The following IFI6 variants were observed in gnomAD, a reference collection of about 807,000 sequenced individuals.
IFI6 encodes interferon alpha-inducible protein 6.
Under a neutral mutation model 12.7 loss-of-function variants are expected in IFI6, and 10 were observed. That is an observed-to-expected ratio of 0.79 (90% confidence interval 0.49 to 1.33). The LOEUF is 1.33. IFI6 is among the 40% of genes most tolerant of loss of function. The pLI is 0.00. For missense variants in IFI6, 154 were observed against 180.4 expected (o/e 0.85, Z 0.84); for synonymous variants, 89 against 86.2 (o/e 1.03, Z -0.18).
Position 27,669,350 on chromosome 1 carries a change from C to A in IFI6, c.-32-4G>T. 2.0e-6 allele frequency: 3 copies of A among 1,536,002 alleles called. No homozygotes were observed. The highest frequency in any genetic ancestry group is 1.2e-5 in the South Asian group (1 of 83,598). ...CGCGCGGGCTCCGTCACTAGACCTG[C>A]GAACGGGCGAGAGGGAGATGGTCCC... On this transcript the variant is annotated splice_region_variant and splice_polypyrimidine_tract_variant and intron_variant, in intron 1 of 4. Coordinates refer to ENST00000361157, the MANE Select transcript of IFI6 (RefSeq NM_002038.4).
In IFI6 at chr1:27,671,447, C is replaced by T. The variant is rs1219461718; in HGVS notation, c.-33+676G>A. 4.1e-5 allele frequency among the ~76,000 whole-genome samples: 6 copies of T among 145,782 alleles called. No individual in the cohort carries two copies. In the East Asian group the frequency reaches 1.2e-3, roughly 30 times the overall value. Reference sequence around the variant, plus strand: ...CCAGGCTGGAGTGCAGTGGCGCAATCTCATCTCACTGCAAGCTCCACCTCC... The same window carrying T: ...CCAGGCTGGAGTGCAGTGGCGCAATTTCATCTCACTGCAAGCTCCACCTCC... On this transcript the variant is annotated intron_variant, in intron 1 of 4. Transcript: ENST00000361157.
chr1:27,666,095 C>A lies in IFI6; in HGVS notation c.*286G>T. ...CTGGGTGAAGTTTATTCTGTTTTCA[C>A]ATCTAGGTTGTTGGGGAGAGTGATA... On this transcript the variant is annotated 3_prime_UTR_variant, in exon 5 of 5. Transcript: ENST00000361157. 1 of 300,738 alleles carries A rather than the reference C, an allele frequency of 3.3e-6. No homozygotes were observed. Among genetic ancestry groups the A allele is most frequent in the Non-Finnish European group, 6.2e-6 (1 of 160,904 alleles). 18.6% of individuals were successfully genotyped at this position (300,738 alleles called of 1,614,324 possible). A position where few individuals can be genotyped will look rare whatever the true frequency, so the allele number is the denominator to read the frequency against.
At chr1:27,668,612 AG>A in intron 2 of IFI6, 77 bp from the exon 3 acceptor site, 1 of 1,190,352 alleles carries the variant, frequency 8.4e-7, no homozygotes. Context: ...TCTGATGCTC[AG>A]GACCACTCCT....
At chr1:27,669,094 C>A (rs1375062661) in intron 2 of IFI6, 151 bp downstream of exon 2, 2 of 792,120 alleles carry the variant, frequency 2.5e-6, no homozygotes, top group African/African-American at 5.1e-5. Flanking sequence ...CTTACCTGCA[C>A]CCTTACCTGC....
chr1:27,668,135 T>G (rs1267440886), intron 4 of IFI6, 91 bp downstream of exon 4: 3 of 1,134,778 alleles, frequency 2.6e-6, no homozygotes, highest in African/African-American at 1.6e-5. Context: ...TTGAGTAAAT[T>G]ACTTAATTCC....
chr1:27,671,529 C>T (rs1425277895), intron 1 of IFI6, among the ~76,000 whole-genome samples: 20 of 151,834 alleles, frequency 1.3e-4, no homozygotes, highest in Non-Finnish European at 2.6e-4. Context: ...AGACTACAGG[C>T]GCCCACCACC....
chr1:27,672,132 G>A lies in IFI6; in HGVS notation c.-42C>T, dbSNP rs900644580. On this transcript the variant is annotated 5_prime_UTR_variant, in exon 1 of 5. Coordinates refer to ENST00000361157, the MANE Select transcript of IFI6 (RefSeq NM_002038.4). ...TAGCTCCTGAGTTTACCTTGGAGGA[G>A]AGAAGAGAAGCAATCTTCAGCCCGG... 3.3e-5 allele frequency: 5 copies of A among 152,238 alleles called. No homozygotes were observed. The highest frequency in any genetic ancestry group is 1.2e-4 in the African/African-American group (5 of 41,460). 9.4% of individuals were successfully genotyped at this position (152,238 alleles called of 1,614,324 possible).
intron 2 of IFI6, 28 bp from the exon 3 acceptor site, chr1:27,668,563 G>C: frequency 6.4e-7 from 1 of 1,561,642 alleles, no homozygotes; most frequent in Non-Finnish European, 8.7e-7. Context: ...AAGCGTAGTG[G>C]GGGTGTTGGG....
At chr1:27,667,240 C>CAAAAAA (rs761365595) in intron 4 of IFI6, among the ~76,000 whole-genome samples, 2 of 12,282 alleles carry the variant, frequency 1.6e-4, no homozygotes, top group Non-Finnish European at 4.4e-4. Context: ...CCCGTCTCTA[C>CAAAAAA]AAAAAAAAAA....
Position 27,666,312 on chromosome 1 carries a change from A to AAAAT in IFI6, c.*68_*69insATTT. 2.6e-6 allele frequency: 2 copies of AAAAT among 769,218 alleles called. No individual in the cohort carries two copies. The highest frequency in any genetic ancestry group is 2.8e-5 in the East Asian group (1 of 35,726). The allele number at this position is 769,218 out of a possible 1,614,324, so 47.6% of individuals were successfully genotyped here. A position where few individuals can be genotyped will look rare whatever the true frequency, so the allele number is the denominator to read the frequency against. On this transcript the variant is annotated 3_prime_UTR_variant, in exon 5 of 5. Transcript: ENST00000361157. ...CTCAAAAAAAAAAAAAAAAAAAAAA[A>AAAAT]GGCAAAGTTCTAGATCCTAACTGGA...
chr1:27,667,240 C>CAA (rs761365595), intron 4 of IFI6, among the ~76,000 whole-genome samples: 128 of 12,284 alleles, frequency 0.01, 13 homozygotes, highest in South Asian at 0.021. Flanking sequence ...CCCGTCTCTA[C>CAA]AAAAAAAAAA....
intron 1 of IFI6, among the ~76,000 whole-genome samples, chr1:27,671,378 CAT>C (rs2090402900): frequency 7.0e-6 from 1 of 142,160 alleles, no homozygotes; most frequent in African/African-American, 2.9e-5. Context: ...CCCAAGCCCA[CAT>C]TTTTTTTTTT....
chr1:27,666,328 CCT>C lies in IFI6; in HGVS notation c.*51_*52del. ...AAAAAAAAAAGGCAAAGTTCTAGATCCTAACTGGAAGAGTTAGGCCAAGAAGG... is the reference window on the plus strand; with the variant it reads ...AAAAAAAAAAGGCAAAGTTCTAGATCAACTGGAAGAGTTAGGCCAAGAAGG... On this transcript the variant is annotated 3_prime_UTR_variant, in exon 5 of 5. Coordinates refer to ENST00000361157, the MANE Select transcript of IFI6 (RefSeq NM_002038.4). 1.4e-6 allele frequency: 1 copy of C among 705,194 alleles called. No homozygotes were observed. Among genetic ancestry groups the C allele is most frequent in the Non-Finnish European group, 2.4e-6 (1 of 420,348 alleles). 43.7% of individuals were successfully genotyped at this position (705,194 alleles called of 1,614,324 possible).
At position 27,666,257 on chromosome 1, in the gene IFI6, T is replaced by A; in HGVS notation, c.*124A>T. The A allele has an allele frequency of 1.7e-6, 1 of 591,290 alleles. No individual in the cohort carries two copies. The highest frequency in any genetic ancestry group is 2.8e-6 in the Non-Finnish European group (1 of 360,554). The allele number at this position is 591,290 out of a possible 1,614,324, so 36.6% of individuals were successfully genotyped here. On this transcript the variant is annotated 3_prime_UTR_variant, in exon 5 of 5. Transcript: ENST00000361157. ...TCGCATCTGTGAATAGCCACTGCAC[T>A]CTAGCCTGGACAATATAGTGAGAAC...
At position 27,668,376 on chromosome 1, in the gene IFI6, C is replaced by T. The variant is rs1465254647; in HGVS notation, c.149-1G>A. The T allele has an allele frequency of 1.9e-6, 3 of 1,570,756 alleles. No homozygotes were observed. Among genetic ancestry groups the T allele is most frequent in the Admixed American group, 3.6e-5 (2 of 55,102 alleles). On this transcript the variant is annotated splice_acceptor_variant, in intron 3 of 4. Transcript: ENST00000361157. LOFTEE classifies it high-confidence loss of function. ...GCGGGCAGCCCGGCGACTGCGAGTC[C>T]TGGAGGAACAGGAGCAGGTGAGGGA...
intron 1 of IFI6, among the ~76,000 whole-genome samples, chr1:27,670,795 A>G (rs1163446701): frequency 6.6e-6 from 1 of 152,122 alleles, no homozygotes; most frequent in Non-Finnish European, 1.5e-5. Flanking sequence ...GACTGATTAA[A>G]TCACTGCCCA....
chr1:27,667,022 T>G (rs2090356833), intron 4 of IFI6, among the ~76,000 whole-genome samples: 1 of 139,972 alleles, frequency 7.1e-6, no homozygotes, highest in African/African-American at 2.7e-5. Context: ...GGGCAGGTTT[T>G]CTCCAGGATT....
In IFI6 at chr1:27,666,152, G is replaced by A. The variant is rs202239883; in HGVS notation, c.*229C>T. 8.3e-5 allele frequency: 33 copies of A among 398,218 alleles called. No homozygotes were observed. In the East Asian group the frequency reaches 1.0e-3, roughly 12 times the overall value. 24.7% of individuals were successfully genotyped at this position (398,218 alleles called of 1,614,324 possible). A position where few individuals can be genotyped will look rare whatever the true frequency, so the allele number is the denominator to read the frequency against. On this transcript the variant is annotated 3_prime_UTR_variant, in exon 5 of 5. Transcript: ENST00000361157. ...GTTCTGGATTCTGGGCATCGTCGGC[G>A]CATGCTTGTAATCCTACTTGGGAGG...
At chr1:27,669,222 T>A in intron 2 of IFI6, 23 bp downstream of exon 2, 1 of 1,551,390 alleles carries the variant, frequency 6.4e-7, no homozygotes, top group East Asian at 2.4e-5. Flanking sequence ...TCCCCTTACC[T>A]GCATCCTTAC....
Sources: gnomAD v4.1 joint callset for allele counts (sites outside exome capture counted in the v4.1 genomes callset) on GRCh38, gnomAD v4.1.1 for gene constraint, MANE v1.5 for transcripts, NCBI Gene and HGNC (gene_info 2026-07-23, HGNC 2026-07-21) for gene names.